Variants in CLSTN2 observed in about 807,000 individuals in gnomAD.
CLSTN2 encodes the protein calsyntenin-2.
Under a neutral mutation model 101.2 loss-of-function variants are expected in CLSTN2, and 48 were observed. The ratio of observed to expected loss-of-function variants is 0.47; its 90% CI spans 0.38 to 0.60. The LOEUF is 0.60. CLSTN2 is among the 20% of genes least tolerant of loss of function. The pLI is 0.00. For missense variants in CLSTN2, 1,160 were observed against 1,238.2 expected (o/e 0.94, Z 0.95); for synonymous variants, 481 against 463.6 (o/e 1.04, Z -0.48).
intron 2 of CLSTN2, among the ~76,000 whole-genome samples, chr3:140,229,892 T>TC (rs1374158005): frequency 1.3e-5 from 2 of 152,178 alleles, no homozygotes; most frequent in Non-Finnish European, 2.9e-5. Flanking sequence ...TTTCTCATAC[T>TC]CACAGTGTAT....
intron 2 of CLSTN2, among the ~76,000 whole-genome samples, chr3:140,207,944 T>G (rs1382005963): frequency 6.6e-6 from 1 of 152,156 alleles, no homozygotes; most frequent in Non-Finnish European, 1.5e-5. Context: ...TATTCATATA[T>G]ATTTATAATT....
chr3:140,422,945 T>C (rs972433306), intron 5 of CLSTN2, among the ~76,000 whole-genome samples: 2 of 152,210 alleles, frequency 1.3e-5, no homozygotes, highest in East Asian at 3.8e-4. Flanking sequence ...CTTGTTTTGT[T>C]TTTAACTCAT....
At chr3:140,466,856 C>T in intron 8 of CLSTN2, 125 bp downstream of exon 8, 2 of 1,255,196 alleles carry the variant, frequency 1.6e-6, no homozygotes, top group Non-Finnish European at 2.2e-6. Flanking sequence ...TTGGAAAAAT[C>T]AGCTTAGGGA....
At chr3:140,345,592 T>C (rs966213097) in intron 2 of CLSTN2, among the ~76,000 whole-genome samples, 1 of 146,160 alleles carries the variant, frequency 6.8e-6, no homozygotes, top group Non-Finnish European at 1.5e-5. Context: ...TTGGTGATTA[T>C]GTGTGGAATT....
At chr3:140,259,317 T>C (rs1206445807) in intron 2 of CLSTN2, among the ~76,000 whole-genome samples, 1 of 151,782 alleles carries the variant, frequency 6.6e-6, no homozygotes, top group Non-Finnish European at 1.5e-5. Context: ...CTACTAAAAA[T>C]ACAAAAATTA....
chr3:140,026,396 G>A (rs2007420129), intron 1 of CLSTN2, among the ~76,000 whole-genome samples: 1 of 152,214 alleles, frequency 6.6e-6, no homozygotes, highest in Non-Finnish European at 1.5e-5. Flanking sequence ...TCTGTGCTGT[G>A]TGGGGTGTGT....
intron 7 of CLSTN2, among the ~76,000 whole-genome samples, chr3:140,464,105 G>A (rs1576582375): frequency 6.6e-6 from 1 of 152,130 alleles, no homozygotes. Context: ...AGAGCCGTTG[G>A]AAAATGAAAA....
chr3:140,576,509 A>T lies in CLSTN2; in HGVS notation c.*10256A>T, dbSNP rs1297649015. The stretch of plus-strand genomic sequence containing the variant: ...AGTCCTTCCCTTCTCCCTTGTCTGG[A>T]GCTGCCACCGCCATTTAAAAGTGTT... On this transcript the variant is annotated 3_prime_UTR_variant, in exon 17 of 17. Transcript: ENST00000458420. 1 of 152,212 alleles carries T rather than the reference A, an allele frequency of 6.6e-6. No homozygotes were observed. The highest frequency in any genetic ancestry group is 1.5e-5 in the Non-Finnish European group (1 of 68,044). The allele number at this position is 152,212 out of a possible 1,614,324, so 9.4% of individuals were successfully genotyped here. A position where few individuals can be genotyped will look rare whatever the true frequency, so the allele number is the denominator to read the frequency against.
At chr3:140,343,482 G>C (rs938365104) in intron 2 of CLSTN2, among the ~76,000 whole-genome samples, 3 of 152,170 alleles carry the variant, frequency 2.0e-5, no homozygotes, top group African/African-American at 7.2e-5. Context: ...ACGTAAGTCT[G>C]TACTTTTAAA....
intron 5 of CLSTN2, among the ~76,000 whole-genome samples, chr3:140,430,726 T>G (rs1397869678): frequency 6.6e-6 from 1 of 152,190 alleles, no homozygotes; most frequent in Non-Finnish European, 1.5e-5. Context: ...AATGGACATA[T>G]TTAGACAGAG....
At chr3:140,167,756 T>C (rs1375744465) in intron 1 of CLSTN2, among the ~76,000 whole-genome samples, 1 of 152,140 alleles carries the variant, frequency 6.6e-6, no homozygotes, top group African/African-American at 2.4e-5. Flanking sequence ...TCTGTCCCTA[T>C]AGTTTTGTGT....
In CLSTN2 at chr3:140,311,287, C is replaced by CTTTTTTTTTTTTTTTTTTT. The variant is rs750088450; in HGVS notation, c.233-92324_233-92306dup. Among the ~76,000 whole-genome samples the CTTTTTTTTTTTTTTTTTTT allele has an allele frequency of 1.2e-4, 6 of 52,080 alleles. 2 individuals are homozygous for CTTTTTTTTTTTTTTTTTTT. Among genetic ancestry groups the CTTTTTTTTTTTTTTTTTTT allele is most frequent in the African/African-American group, 5.6e-4 (6 of 10,624 alleles). 34.2% of individuals were successfully genotyped at this position (52,080 alleles called of 152,430 possible). A position where few individuals can be genotyped will look rare whatever the true frequency, so the allele number is the denominator to read the frequency against. On this transcript the variant is annotated intron_variant, in intron 2 of 16. Coordinates refer to ENST00000458420, the MANE Select transcript of CLSTN2 (RefSeq NM_022131.3). ...ATAATAACAGCTAAGGTTTATTATCCTTTTTTTTTTTTTTTTTTTTTTTTT... is the reference window on the plus strand; with the variant it reads ...ATAATAACAGCTAAGGTTTATTATCCTTTTTTTTTTTTTTTTTTTTTTTTTTTTTTTTTTTTTTTTTTTT...
chr3:139,943,981 C>T (rs956023423), intron 1 of CLSTN2, among the ~76,000 whole-genome samples: 6 of 152,164 alleles, frequency 3.9e-5, no homozygotes, highest in South Asian at 4.1e-4. Flanking sequence ...TCCAGCCTGG[C>T]GTAAAAGTCT....
At chr3:140,132,300 A>G (rs1364017244) in intron 1 of CLSTN2, among the ~76,000 whole-genome samples, 1 of 152,246 alleles carries the variant, frequency 6.6e-6, no homozygotes, top group Non-Finnish European at 1.5e-5. Flanking sequence ...AATAATAAAT[A>G]CATCCATATG....
At chr3:140,335,320 GT>G (rs1250183390) in intron 2 of CLSTN2, among the ~76,000 whole-genome samples, 2 of 152,176 alleles carry the variant, frequency 1.3e-5, no homozygotes, top group Admixed American at 1.3e-4. Context: ...GTACTATATG[GT>G]GGTAGTAGTT....
intron 8 of CLSTN2, among the ~76,000 whole-genome samples, chr3:140,531,702 A>G (rs952600429): frequency 3.3e-5 from 5 of 152,034 alleles, no homozygotes; most frequent in African/African-American, 1.2e-4. Context: ...AGACATGCCC[A>G]TCTTGGTTTC....
At chr3:140,075,713 C>G (rs1350036951) in intron 1 of CLSTN2, among the ~76,000 whole-genome samples, 1 of 152,100 alleles carries the variant, frequency 6.6e-6, no homozygotes, top group African/African-American at 2.4e-5. Flanking sequence ...GCAGAAGGAA[C>G]GTGGTCCAGT....
intron 2 of CLSTN2, among the ~76,000 whole-genome samples, chr3:140,360,697 A>G (rs1346226764): frequency 6.6e-6 from 1 of 152,234 alleles, no homozygotes; most frequent in Non-Finnish European, 1.5e-5. Context: ...AAAAGCAAAT[A>G]AAACACTGGG....
chr3:140,533,969 C>T (rs1935311790), intron 9 of CLSTN2, among the ~76,000 whole-genome samples: 2 of 152,144 alleles, frequency 1.3e-5, no homozygotes, highest in Non-Finnish European at 2.9e-5. Flanking sequence ...ACTTGTGTCA[C>T]ATGATAGCAA....
Sources: gnomAD v4.1 joint callset for allele counts (sites outside exome capture counted in the v4.1 genomes callset) on GRCh38, gnomAD v4.1.1 for gene constraint, MANE v1.5 for transcripts, NCBI Gene and HGNC (gene_info 2026-07-23, HGNC 2026-07-21) for gene names.